The following RXFP1 variants were observed in gnomAD, a reference collection of about 807,000 sequenced individuals.
RXFP1 encodes the protein relaxin receptor 1.
In RXFP1, 73 loss-of-function variants were observed where a neutral mutation model predicts 89.8. That is an observed-to-expected ratio of 0.81 (90% CI 0.67 to 0.99). RXFP1 has a LOEUF of 0.99. Among genes scored for constraint, RXFP1 ranks in the 50% least tolerant of loss-of-function variants. The pLI, the probability that RXFP1 is intolerant of heterozygous loss-of-function variation, is 0.00. For synonymous variants in RXFP1, 277 were observed against 305.5 expected, an observed-to-expected ratio of 0.91 and a Z score of 0.97; for missense variants, 793 against 895.5, an observed-to-expected ratio of 0.89 and a Z score of 1.46.
At chr4:158,537,627 T>C (rs983765631) in intron 1 of RXFP1, among the ~76,000 whole-genome samples, 3 of 152,204 alleles carry the variant, frequency 2.0e-5, no homozygotes, top group Admixed American at 1.3e-4. Flanking sequence ...AGACAATTAT[T>C]CATTCTTCCT....
At chr4:158,525,219 C>T (rs371927342) in intron 1 of RXFP1, among the ~76,000 whole-genome samples, 25 of 138,142 alleles carry the variant, frequency 1.8e-4, no homozygotes, top group South Asian at 1.1e-3. Context: ...TATACTTTGG[C>T]GGGGGGGGGT....
chr4:158,627,508 TG>T (rs1767110690), intron 10 of RXFP1, among the ~76,000 whole-genome samples: 1 of 14,990 alleles, frequency 6.7e-5, no homozygotes, highest in African/African-American at 1.8e-4. Context: ...CCTTAGGGTG[TG>T]TGTGTGTGTG....
rs917829765 is a variant in RXFP1, at chr4:158,639,463, A to G, written c.1115+132A>G. 26 of 618,836 alleles carry G rather than the reference A, an allele frequency of 4.2e-5. No individual in the cohort carries two copies. In the East Asian group the frequency reaches 6.5e-4, roughly 15 times the overall value. 38.3% of individuals were successfully genotyped at this position (618,836 alleles called of 1,614,324 possible). ...TAAACTGAAAGTTTGTGTTCCTCCA[A>G]AATGTATATATTGAAATACTAACCC... is the stretch of plus-strand genomic sequence containing the variant. On this transcript the variant is annotated intron_variant, in intron 14 of 17. Coordinates refer to ENST00000307765, the MANE Select transcript of RXFP1 (RefSeq NM_021634.4).
At chr4:158,637,292 A>G (rs1769375484) in intron 12 of RXFP1, among the ~76,000 whole-genome samples, 1 of 152,128 alleles carries the variant, frequency 6.6e-6, no homozygotes, top group South Asian at 2.1e-4. Context: ...GTAGTAGTTC[A>G]ATTTTTGATT....
At chr4:158,608,473 A>G (rs1762956831) in intron 6 of RXFP1, among the ~76,000 whole-genome samples, 1 of 151,616 alleles carries the variant, frequency 6.6e-6, no homozygotes, top group Non-Finnish European at 1.5e-5. Flanking sequence ...AAAGAAAAAA[A>G]AAAAGCCTGA....
chr4:158,581,645 A>G (rs1720208755), intron 2 of RXFP1, among the ~76,000 whole-genome samples: 1 of 152,184 alleles, frequency 6.6e-6, no homozygotes, highest in Admixed American at 6.5e-5. Flanking sequence ...TGAGTGCTTT[A>G]TACATTTTAC....
intron 2 of RXFP1, among the ~76,000 whole-genome samples, chr4:158,591,182 C>T (rs555660941): frequency 1.2e-4 from 18 of 152,294 alleles, no homozygotes; most frequent in East Asian, 3.9e-4. Context: ...CTGAAGAATA[C>T]GAAAGCATTC....
chr4:158,596,928 CA>C (rs1410093219), intron 3 of RXFP1, among the ~76,000 whole-genome samples: 1 of 152,076 alleles, frequency 6.6e-6, no homozygotes, highest in Non-Finnish European at 1.5e-5. Context: ...ACATTTGTCA[CA>C]AGTATAATTA....
intron 3 of RXFP1, among the ~76,000 whole-genome samples, chr4:158,599,086 T>TA (rs1258442239): frequency 2.6e-5 from 4 of 151,452 alleles, no homozygotes; most frequent in East Asian, 1.9e-4. Flanking sequence ...CTGCTTTTTT[T>TA]AAAAAAATAC....
At chr4:158,566,979 C>T (rs568839844) in intron 1 of RXFP1, among the ~76,000 whole-genome samples, 153 of 152,314 alleles carry the variant, frequency 1.0e-3, no homozygotes, top group African/African-American at 3.1e-3. Context: ...CTGCGTGCAG[C>T]GCTTGCAGGC....
intron 1 of RXFP1, among the ~76,000 whole-genome samples, chr4:158,538,667 G>A (rs931983967): frequency 1.3e-5 from 2 of 152,108 alleles, no homozygotes; most frequent in African/African-American, 4.8e-5. Flanking sequence ...TACAAAATTA[G>A]CTGGGCGTCC....
At chr4:158,624,847 A>T (rs553218293) in intron 9 of RXFP1, among the ~76,000 whole-genome samples, 1 of 152,222 alleles carries the variant, frequency 6.6e-6, no homozygotes, top group South Asian at 2.1e-4. Context: ...TTAACACAGG[A>T]GGGGGGAAAA....
At chr4:158,600,700 C>T (rs1761516531) in intron 4 of RXFP1, among the ~76,000 whole-genome samples, 1 of 151,936 alleles carries the variant, frequency 6.6e-6, no homozygotes. Flanking sequence ...TGATGGCCCA[C>T]ACCTGTAGTC....
chr4:158,527,564 A>AAAATATGTATAT (rs5741905), intron 1 of RXFP1, among the ~76,000 whole-genome samples: 1 of 98,338 alleles, frequency 1.0e-5, no homozygotes, highest in Non-Finnish European at 2.0e-5. Context: ...AAAAAAAAAA[A>AAAATATGTATAT]ATATATATAT....
rs373779528 is a variant in RXFP1 at position 158,646,795 on chromosome 4, C to T, written c.1350C>T (p.Ala450=). Residue 450 remains alanine (A), a synonymous_variant, in exon 16 of 18, where the codon GCC becomes GCT. Transcript: ENST00000307765. ...GTGAAACTATGACTCCTCTAGGTGC[C>T]GACTGCTTAATGGGAATATATTTAT... ...YAMSIISLCC[A]DCLMGIYLFV... 23 of 1,596,008 alleles carry T rather than the reference C, an allele frequency of 1.4e-5. No individual in the cohort carries two copies. The highest frequency in any genetic ancestry group is 1.7e-4 in the Middle Eastern group (1 of 5,982).
Position 158,536,234 on chromosome 4 carries a change from G to A in RXFP1, c.49+14209G>A, listed in dbSNP as rs985553941. 4.6e-5 allele frequency among the ~76,000 whole-genome samples: 7 copies of A among 152,106 alleles called. No individual in the cohort carries two copies. The South Asian group carries it at 6.2e-4, about 14-fold the overall frequency. On this transcript the variant is annotated intron_variant, in intron 1 of 17. Coordinates refer to ENST00000307765, the MANE Select transcript of RXFP1 (RefSeq NM_021634.4). The stretch of plus-strand genomic sequence containing the variant: ...TTTAAAATATTGTGTTTATAGGACC[G>A]AGGCCTAATACCTGTAAGAATATAA...
intron 1 of RXFP1, among the ~76,000 whole-genome samples, chr4:158,527,450 G>A (rs1742805601): frequency 6.6e-6 from 1 of 151,012 alleles, no homozygotes; most frequent in African/African-American, 2.4e-5. Flanking sequence ...GGCTGAGGCT[G>A]GAGAATCGCT....
At chr4:158,539,337 G>T (rs11736867) in intron 1 of RXFP1, among the ~76,000 whole-genome samples, 10 of 151,956 alleles carry the variant, frequency 6.6e-5, no homozygotes, top group Non-Finnish European at 1.3e-4. Context: ...ATTGTGGAGT[G>T]GGGGGAGGGG....
At chr4:158,607,852 C>G in intron 5 of RXFP1, 120 bp from the exon 6 acceptor site, 1 of 612,926 alleles carries the variant, frequency 1.6e-6, no homozygotes, top group Non-Finnish European at 2.8e-6. Context: ...CCTTCAGAGG[C>G]ATTAAGCACA....
Sources: gnomAD v4.1 joint callset for allele counts (sites outside exome capture counted in the v4.1 genomes callset) on GRCh38, gnomAD v4.1.1 for gene constraint, MANE v1.5 for transcripts, NCBI Gene and HGNC (gene_info 2026-07-23, HGNC 2026-07-21) for gene names.